NCOA3: variants seen among roughly 807,000 people sequenced by gnomAD.
NCOA3 encodes the protein nuclear receptor coactivator 3.
A neutral mutation model predicts 158.8 loss-of-function variants in NCOA3; 51 were observed. That is an observed-to-expected ratio of 0.32 (90% confidence interval 0.26 to 0.41). NCOA3 has a LOEUF of 0.41. Ranked by LOEUF, NCOA3 falls within the 10% of genes least tolerant of loss-of-function variation. The probability of loss-of-function intolerance (pLI) is 1.00; values close to 1 mark genes in which losing one functional copy is unlikely to be tolerated. For synonymous variants in NCOA3, 537 were observed against 592.4 expected (o/e 0.91, Z 1.36); for missense variants, 1,510 against 1,746.6 (o/e 0.86, Z 2.41).
intron 1 of NCOA3, among the ~76,000 whole-genome samples, chr20:47,544,877 A>G (rs2084803229): frequency 6.6e-6 from 1 of 152,152 alleles, no homozygotes. Flanking sequence ...TTATGTTGAT[A>G]TGGACTTTCC....
Position 47,654,639 on chromosome 20 carries a change from A to G in NCOA3, c.*1222A>G, listed in dbSNP as rs11699879. ...CTCGCTCTTTTCAATCTCTTAATCT[A>G]AATGCTTTTTAAAGAGATTATTTGT... On this transcript the variant is annotated 3_prime_UTR_variant, in exon 23 of 23. Coordinates refer to ENST00000371998, the MANE Select transcript of NCOA3 (RefSeq NM_181659.3). The G allele has an allele frequency of 0.23, 35,655 of 152,436 alleles. 4,622 individuals are homozygous for G. Among genetic ancestry groups the G allele is most frequent in the Middle Eastern group, 0.34 (100 of 294 alleles). 9.4% of individuals were successfully genotyped at this position (152,436 alleles called of 1,614,324 possible). A position where few individuals can be genotyped will look rare whatever the true frequency, so the allele number is the denominator to read the frequency against.
At chr20:47,514,151 C>G (rs2084191960) in intron 1 of NCOA3, among the ~76,000 whole-genome samples, 1 of 151,312 alleles carries the variant, frequency 6.6e-6, no homozygotes, top group African/African-American at 2.4e-5. Context: ...TTTAAGTCAA[C>G]ATTTTCTTTT....
intron 1 of NCOA3, among the ~76,000 whole-genome samples, chr20:47,561,905 C>G (rs1459666166): frequency 6.6e-6 from 1 of 152,044 alleles, no homozygotes; most frequent in Non-Finnish European, 1.5e-5. Flanking sequence ...AAATCTATGC[C>G]CCACCTATTC....
At chr20:47,503,453 C>T (rs1464497555) in intron 1 of NCOA3, among the ~76,000 whole-genome samples, 1 of 152,170 alleles carries the variant, frequency 6.6e-6, no homozygotes, top group East Asian at 1.9e-4. Context: ...TCACGCCAAA[C>T]CCTACAGTTT....
At chr20:47,551,984 C>T (rs66848730) in intron 1 of NCOA3, among the ~76,000 whole-genome samples, 1 of 152,234 alleles carries the variant, frequency 6.6e-6, no homozygotes, top group Non-Finnish European at 1.5e-5. Context: ...GTTTTTAAAT[C>T]CTAATGTACC....
At chr20:47,563,892 AAAAAAAAAAAAAG>A (rs1439699656) in intron 1 of NCOA3, among the ~76,000 whole-genome samples, 1 of 150,040 alleles carries the variant, frequency 6.7e-6, no homozygotes, top group Non-Finnish European at 1.5e-5. Flanking sequence ...CTGTCTCAAA[AAAAAAAAAAAAAG>A]AAAGAAAAAA....
At chr20:47,567,412 A>G (rs1307558810) in intron 1 of NCOA3, among the ~76,000 whole-genome samples, 1 of 148,380 alleles carries the variant, frequency 6.7e-6, no homozygotes, top group Non-Finnish European at 1.5e-5. Flanking sequence ...TTTTTTTTTT[A>G]AAGAGCTAGG....
chr20:47,567,595 G>A (rs1413561619), intron 1 of NCOA3, among the ~76,000 whole-genome samples: 1 of 151,636 alleles, frequency 6.6e-6, no homozygotes, highest in Non-Finnish European at 1.5e-5. Context: ...TTGAGACTGA[G>A]TTTCATTGTT....
chr20:47,575,795 A>G (rs907565404), intron 1 of NCOA3, among the ~76,000 whole-genome samples: 7 of 152,240 alleles, frequency 4.6e-5, no homozygotes, highest in Non-Finnish European at 8.8e-5. Context: ...ATTGCTAACT[A>G]CAAATTTACA....
chr20:47,636,031 G>C lies in NCOA3; in HGVS notation c.1645G>C (p.Asp549His), dbSNP rs1251151230. Residue 549 changes from aspartate to histidine, a missense_variant, in exon 12 of 23, where the codon GAT (aspartate) becomes CAT (histidine). Coordinates refer to ENST00000371998, the MANE Select transcript of NCOA3 (RefSeq NM_181659.3). ...STLSSPGPKL[D>H]NSPNMNITQP... Reference sequence around the variant, plus strand: ...TCTGTCATCACCAGGCCCCAAATTGGATAACTCTCCCAATATGAATATTAC... The same window carrying C: ...TCTGTCATCACCAGGCCCCAAATTGCATAACTCTCCCAATATGAATATTAC... 6.2e-7 allele frequency: 1 copy of C among 1,613,966 alleles called. No individual in the cohort carries two copies. The highest frequency in any genetic ancestry group is 8.5e-7 in the Non-Finnish European group (1 of 1,180,034).
chr20:47,633,730 T>TA (rs1261329786), intron 9 of NCOA3, 94 bp downstream of exon 9: 2 of 1,359,380 alleles, frequency 1.5e-6, no homozygotes, highest in East Asian at 4.6e-5. Context: ...CTCCTGGATT[T>TA]AATTGACCCT....
intron 2 of NCOA3, among the ~76,000 whole-genome samples, chr20:47,616,529 T>A (rs1014673167): frequency 1.3e-5 from 2 of 152,142 alleles, no homozygotes; most frequent in African/African-American, 4.8e-5. Flanking sequence ...CATTGCCATA[T>A]TTAATACATT....
At position 47,637,637 on chromosome 20, in the gene NCOA3, T is replaced by G; in HGVS notation, c.2377-11T>G. On this transcript the variant is annotated splice_polypyrimidine_tract_variant and intron_variant, in intron 12 of 22. Coordinates refer to ENST00000371998, the MANE Select transcript of NCOA3 (RefSeq NM_181659.3). ...ATGTATACAGGTTAATTTTTAAAAC[T>G]TTATTTTCAGGGATCTGGAGACTTG... is the stretch of plus-strand genomic sequence containing the variant. The G allele has an allele frequency of 6.3e-7, 1 of 1,594,272 alleles. No individual in the cohort carries two copies. Among genetic ancestry groups the G allele is most frequent in the Non-Finnish European group, 8.5e-7 (1 of 1,172,850 alleles).
At chr20:47,625,746 C>A (rs1197979213) in intron 5 of NCOA3, among the ~76,000 whole-genome samples, 1 of 151,794 alleles carries the variant, frequency 6.6e-6, no homozygotes, top group East Asian at 1.9e-4. Context: ...TATAAGCAAG[C>A]AGGAAAGGAA....
At chr20:47,639,266 C>G in intron 14 of NCOA3, 64 bp downstream of exon 14, 1 of 1,325,956 alleles carries the variant, frequency 7.5e-7, no homozygotes, top group Non-Finnish European at 1.1e-6. Context: ...ATACTTAAAG[C>G]CATCTAAATA....
At chr20:47,609,498 A>G (rs1408412292) in intron 2 of NCOA3, among the ~76,000 whole-genome samples, 2 of 152,140 alleles carry the variant, frequency 1.3e-5, no homozygotes, top group Non-Finnish European at 1.5e-5. Context: ...CTTTAAAGTT[A>G]TGGATCATGT....
At chr20:47,525,726 CTCCA>C (rs1265263894) in intron 1 of NCOA3, among the ~76,000 whole-genome samples, 1 of 130,114 alleles carries the variant, frequency 7.7e-6, no homozygotes, top group Non-Finnish European at 1.6e-5. Flanking sequence ...ACCCCCCCAC[CTCCA>C]TCCCGGAGGG....
chr20:47,583,362 T>A (rs2085483838), intron 2 of NCOA3, 101 bp downstream of exon 2: 2 of 393,290 alleles, frequency 5.1e-6, no homozygotes, highest in Non-Finnish European at 9.0e-6. Flanking sequence ...TTAAAACTAT[T>A]TATGCTTCAT....
Position 47,647,100 on chromosome 20 carries a change from G to A in NCOA3, c.3280G>A (p.Ala1094Thr), listed in dbSNP as rs1273263105. The A allele has an allele frequency of 5.6e-6, 9 of 1,614,078 alleles. No individual in the cohort carries two copies. The Admixed American group carries it at 1.5e-4, about 27-fold the overall frequency. Reference sequence around the variant, plus strand: ...ACAGGCATTAGAGCCCAAACAGGATGCTTTCCAAGGCCAAGAAGCAGCAGT... The same window carrying A: ...ACAGGCATTAGAGCCCAAACAGGATACTTTCCAAGGCCAAGAAGCAGCAGT... ...QGQALEPKQD[A>T]FQGQEAAVMM... Residue 1094 changes from alanine (A) to threonine (T), a missense_variant, in exon 18 of 23, where the codon GCT becomes ACT. Ala to Thr is a moderately conservative substitution (Grantham distance 58). This residue lies in a region of NCOA3 where 1,017 missense variants were observed against 1,098.3 expected (regional missense o/e 0.93). Transcript: ENST00000371998.
Sources: gnomAD v4.1 joint callset for allele counts (sites outside exome capture counted in the v4.1 genomes callset) on GRCh38, gnomAD v4.1.1 for gene constraint, gnomAD v4.1.1 regional missense constraint, MANE v1.5 for transcripts, NCBI Gene and HGNC (gene_info 2026-07-23, HGNC 2026-07-21) for gene names.